The following PCSK4 variants were observed in gnomAD, a reference collection of about 807,000 sequenced individuals.
The protein encoded by PCSK4 is testicular tissue protein Li 135.
Under a neutral mutation model 80.3 loss-of-function variants are expected in PCSK4, and 64 were observed. The ratio of observed to expected loss-of-function variants is 0.80; its 90% CI spans 0.65 to 0.98. The LOEUF (loss-of-function observed/expected upper bound fraction) is 0.98. PCSK4 is among the 50% of genes least tolerant of loss of function. The probability of loss-of-function intolerance (pLI) is 0.00; values close to 1 mark genes in which losing one functional copy is unlikely to be tolerated. For missense variants in PCSK4, 1,213 were observed against 1,093.6 expected (o/e 1.11, Z -1.54); for synonymous variants, 561 against 487.6 (o/e 1.15, Z -1.98).
At chr19:1,481,721 C>T (rs766389320) in exon 15 of PCSK4, 9 of 1,398,830 alleles carry the variant, frequency 6.4e-6, no homozygotes, top group Non-Finnish European at 8.6e-6. Flanking sequence ...CTGTCAGGGA[C>T]CCAGGCGGGG....
chr19:1,482,160 A>T, exon 15 of PCSK4: 1 of 1,559,848 alleles, frequency 6.4e-7, no homozygotes, highest in African/African-American at 1.4e-5. Flanking sequence ...CGCGGGGGGC[A>T]GTAGGCCAGG....
intron 8 of PCSK4, 114 bp downstream of exon 8, chr19:1,486,739 G>T (rs2084637955): frequency 2.2e-6 from 2 of 906,098 alleles, no homozygotes. Context: ...GCCTGGATTT[G>T]CATTTTCAAA....
At chr19:1,482,085 C>A in exon 15 of PCSK4, 1 of 1,551,990 alleles carries the variant, frequency 6.4e-7, no homozygotes, top group Non-Finnish European at 8.7e-7. Flanking sequence ...CTGGAGCAGA[C>A]CCTCAGCGCG....
intron 1 of PCSK4, 32 bp downstream of exon 1, chr19:1,490,126 C>T (rs2145452326): frequency 1.2e-6 from 2 of 1,611,802 alleles, no homozygotes; most frequent in Non-Finnish European, 8.5e-7. Context: ...CCCTCCAAGC[C>T]CCCACTTCCC....
At chr19:1,487,195 C>A (rs754788014) in exon 7 of PCSK4, 12 of 1,608,048 alleles carry the variant, frequency 7.5e-6, no homozygotes, top group Non-Finnish European at 9.3e-6. Context: ...GGCCGTCCAC[C>A]GTGCGGCCGT....
chr19:1,483,043 G>T, intron 12 of PCSK4, 23 bp from the exon 13 acceptor site: 1 of 1,499,926 alleles, frequency 6.7e-7, no homozygotes, highest in Non-Finnish European at 8.9e-7. Context: ...GGTGGGTGGG[G>T]GTGGGGGTGT....
At chr19:1,482,139 G>A (rs2084325258) in exon 15 of PCSK4, 1 of 1,558,774 alleles carries the variant, frequency 6.4e-7, no homozygotes, top group Non-Finnish European at 8.6e-7. Flanking sequence ...AGCCTTGTGT[G>A]GTTGAAGAAC....
In PCSK4 at chr19:1,481,654, G is replaced by A. The variant is rs2656884; in HGVS notation, c.*105C>T. On this transcript the variant is annotated 3_prime_UTR_variant, in exon 15 of 15. Coordinates refer to ENST00000300954, the Ensembl canonical transcript of PCSK4. ...GCCCATCCCTGGCAGGCCAGGCGTCGGGTGCTGGTGCTCGCTCCTCTGGGG... is the reference window on the plus strand; with the variant it reads ...GCCCATCCCTGGCAGGCCAGGCGTCAGGTGCTGGTGCTCGCTCCTCTGGGG... The A allele has an allele frequency of 0.014, 9,711 of 711,268 alleles. 713 individuals carry two copies. The African/African-American group carries it at 0.15, about 11-fold the overall frequency. 44.1% of individuals were successfully genotyped at this position (711,268 alleles called of 1,614,324 possible). A position where few individuals can be genotyped will look rare whatever the true frequency, so the allele number is the denominator to read the frequency against.
intron 8 of PCSK4, 92 bp from the exon 9 acceptor site, chr19:1,484,219 G>A (rs1476088433): frequency 5.6e-6 from 4 of 719,244 alleles, no homozygotes; most frequent in Non-Finnish European, 9.5e-6. Flanking sequence ...CGGGCGCAGT[G>A]GCTCAGGCCT....
At position 1,483,818 on chromosome 19, in the gene PCSK4, C is replaced by G; in HGVS notation, c.1273+20G>C. 1 of 1,483,556 alleles carries G rather than the reference C, an allele frequency of 6.7e-7. No individual in the cohort carries two copies. Among genetic ancestry groups the G allele is most frequent in the African/African-American group, 1.5e-5 (1 of 68,774 alleles). The allele number at this position is 1,483,556 out of a possible 1,614,324, so 91.9% of individuals were successfully genotyped here. ...GCCCCGTGGGCCCCGGGTCCCCGCCCCCGCCCGGCCCCGCCGCACCTTGGC... is the reference window on the plus strand; with the variant it reads ...GCCCCGTGGGCCCCGGGTCCCCGCCGCCGCCCGGCCCCGCCGCACCTTGGC... On this transcript the variant is annotated intron_variant, in intron 10 of 14. Transcript: ENST00000300954.
chr19:1,483,452 G>A lies in PCSK4; in HGVS notation c.1403C>T (p.Pro468Leu), dbSNP rs778010643. 3.8e-6 allele frequency: 6 copies of A among 1,592,542 alleles called. 1 individual carries two copies. Among genetic ancestry groups the A allele is most frequent in the South Asian group, 3.3e-5 (3 of 90,612 alleles). Residue 468 changes from proline to leucine, a missense_variant, in exon 12 of 15, where the codon CCG becomes CTG. Coordinates refer to ENST00000300954, the Ensembl canonical transcript of PCSK4. ...TACGTTTTCCCTGATGTAGATCAGC[G>A]GCAGGATGGGGCTGAGGGGGTCGAG...
chr19:1,489,390 T>G (rs1306614450), intron 2 of PCSK4, among the ~76,000 whole-genome samples: 2 of 152,294 alleles, frequency 1.3e-5, no homozygotes, highest in African/African-American at 4.8e-5. Flanking sequence ...CGCCTCCGCC[T>G]CCCAAAGTGC....
exon 14 of PCSK4, chr19:1,482,377 G>A (rs759098357): frequency 2.3e-5 from 35 of 1,547,858 alleles, no homozygotes; most frequent in East Asian, 9.7e-5. Context: ...TCTGTGTCCC[G>A]CTGCACACAC....
At chr19:1,489,932 C>T in intron 1 of PCSK4, 35 bp from the exon 2 acceptor site, 1 of 1,573,162 alleles carries the variant, frequency 6.4e-7, no homozygotes, top group South Asian at 1.2e-5. Context: ...ACCGATGGGA[C>T]CCGGCTCCCC....
exon 8 of PCSK4, chr19:1,486,986 C>T (rs146787384): frequency 2.5e-6 from 4 of 1,609,806 alleles, no homozygotes; most frequent in African/African-American, 2.7e-5. Context: ...GTTGGTGTAG[C>T]CGTCGCAGTT....
In PCSK4 at chr19:1,484,010, G is replaced by A; in HGVS notation, c.1169+17C>T. The A allele has an allele frequency of 6.6e-7, 1 of 1,523,290 alleles. No individual in the cohort carries two copies. 94.4% of individuals were successfully genotyped at this position (1,523,290 alleles called of 1,614,324 possible). On this transcript the variant is annotated intron_variant, in intron 9 of 14. Transcript: ENST00000300954. ...CCTGGGGGCGAGGGCGGTGGACCGGGCCCCGCAGTCACCTACTTGGCCTCC... is the reference window on the plus strand; with the variant it reads ...CCTGGGGGCGAGGGCGGTGGACCGGACCCCGCAGTCACCTACTTGGCCTCC...
chr19:1,482,469 A>G (rs2084348987), exon 14 of PCSK4: 1 of 1,603,708 alleles, frequency 6.2e-7, no homozygotes, highest in Non-Finnish European at 8.5e-7. Context: ...GTAGCGGTAC[A>G]ACGTCCCTGG....
intron 12 of PCSK4, 99 bp from the exon 13 acceptor site, chr19:1,483,119 C>A: frequency 1.6e-6 from 2 of 1,285,394 alleles, no homozygotes; most frequent in Non-Finnish European, 2.1e-6. Context: ...CGCTGGTGGC[C>A]GCGTGTCCTC....
At chr19:1,484,502 AAAG>A (rs900491886) in intron 8 of PCSK4, among the ~76,000 whole-genome samples, 2 of 149,366 alleles carry the variant, frequency 1.3e-5, no homozygotes, top group African/African-American at 2.5e-5. Context: ...TAAAAAAAAA[AAAG>A]TACTAACGAC....
Sources: gnomAD v4.1 joint callset for allele counts (sites outside exome capture counted in the v4.1 genomes callset) on GRCh38, gnomAD v4.1.1 for gene constraint, MANE v1.5 for transcripts, NCBI Gene and HGNC (gene_info 2026-07-23, HGNC 2026-07-21) for gene names.